The following FREM1 variants were observed in gnomAD, a reference collection of about 807,000 sequenced individuals.
FREM1 encodes FRAS1-related extracellular matrix protein 1.
In FREM1, 220 loss-of-function variants were observed where a neutral mutation model predicts 210.1. That is an observed-to-expected ratio of 1.05 (90% CI 0.94 to 1.17). The LOEUF is 1.17. Ranked by LOEUF, FREM1 falls within the 50% of genes most tolerant of loss-of-function variation. The pLI, the probability that FREM1 is intolerant of heterozygous loss-of-function variation, is 0.00. For synonymous variants in FREM1, 1,189 were observed against 980.2 expected (o/e 1.21, Z -3.98); for missense variants, 3,454 against 2,675.5 (o/e 1.29, Z -6.42).
chr9:14,750,001 G>C (rs1282472475), intron 30 of FREM1, 126 bp downstream of exon 30: 1 of 956,052 alleles, frequency 1.0e-6, no homozygotes, highest in Non-Finnish European at 1.6e-6. Flanking sequence ...TCACGACTGA[G>C]GGTGCTTTCT....
intron 1 of FREM1, among the ~76,000 whole-genome samples, chr9:14,888,945 A>G (rs1015621946): frequency 3.3e-5 from 5 of 152,200 alleles, no homozygotes; most frequent in Non-Finnish European, 5.9e-5. Flanking sequence ...CAATACCCCC[A>G]AAGAGTTGTG....
In FREM1 at chr9:14,859,292, G is replaced by A. The variant is rs772367856; in HGVS notation, c.522C>T (p.Ser174=). 1.2e-6 allele frequency: 2 copies of A among 1,613,804 alleles called. No homozygotes were observed. Among genetic ancestry groups the A allele is most frequent in the East Asian group, 2.2e-5 (1 of 44,866 alleles). Residue 174 remains serine (S), a synonymous_variant, in exon 4 of 37, where the codon AGC becomes AGT. Transcript: ENST00000380880. ...DRMASLECTV[S]LDTARTRLPA... ...GCAGCCGAGTTCTCGCAGTGTCCAG[G>A]CTGACGGTACATTCCAGGCTAGCCA...
At chr9:14,905,395 G>A (rs768646097) in intron 1 of FREM1, among the ~76,000 whole-genome samples, 1 of 152,178 alleles carries the variant, frequency 6.6e-6, no homozygotes, top group South Asian at 2.1e-4. Context: ...TTACCCCTGA[G>A]GGGCCCCTTG....
chr9:14,770,456 A>T, intron 26 of FREM1, 149 bp downstream of exon 26: 1 of 609,090 alleles, frequency 1.6e-6, no homozygotes, highest in Non-Finnish European at 2.9e-6. Context: ...AACCCTCTTT[A>T]GGAGCAATAT....
chr9:14,819,270 G>C lies in FREM1; in HGVS notation c.2510C>G (p.Thr837Arg). The part of the protein sequence containing the change: ...LNGFPLNSGG[T>R]FSWGDLHTLK... ...GGTATGGAGATCGCCCCAAGAAAAT[G>C]TGCCCCCTGAATTTAGAGGAAATCC... The change falls in exon 14 of 37, where the codon ACA (threonine) becomes AGA (arginine). Residue 837 changes from threonine to arginine, a missense_variant. Thr to Arg is a moderately conservative substitution (Grantham distance 71). Transcript: ENST00000380880. The C allele has an allele frequency of 6.2e-7, 1 of 1,613,608 alleles. No homozygotes were observed. The highest frequency in any genetic ancestry group is 8.5e-7 in the Non-Finnish European group (1 of 1,179,660).
intron 4 of FREM1, among the ~76,000 whole-genome samples, chr9:14,858,906 C>A (rs1198307757): frequency 1.3e-5 from 2 of 152,132 alleles, no homozygotes; most frequent in Non-Finnish European, 2.9e-5. Flanking sequence ...TACTCTTATC[C>A]TTACCCAACC....
chr9:14,829,954 G>C (rs2642413), intron 10 of FREM1, among the ~76,000 whole-genome samples: 7,460 of 152,258 alleles, frequency 0.049, 266 homozygotes, highest in Admixed American at 0.073. Flanking sequence ...GGAAAGAATG[G>C]AAGAAGGTGA....
At chr9:14,837,466 TACACAC>T (rs35667419) in intron 10 of FREM1, among the ~76,000 whole-genome samples, 3 of 148,802 alleles carry the variant, frequency 2.0e-5, no homozygotes, top group Non-Finnish European at 4.5e-5. Context: ...CACATACACA[TACACAC>T]ACACACACAC....
intron 27 of FREM1, among the ~76,000 whole-genome samples, chr9:14,763,326 C>A (rs753714924): frequency 1.3e-5 from 2 of 152,170 alleles, no homozygotes; most frequent in Non-Finnish European, 1.5e-5. Flanking sequence ...GGGACCTTGA[C>A]AAATGCTCCT....
At chr9:14,751,823 A>C (rs1024303055) in intron 29 of FREM1, 1 of 152,044 alleles carries the variant, frequency 6.6e-6, no homozygotes, top group Non-Finnish European at 1.5e-5. Context: ...TGGAAAGGTG[A>C]AGCTATCCAC....
At chr9:14,837,843 G>A (rs1220659228) in intron 10 of FREM1, among the ~76,000 whole-genome samples, 1 of 152,204 alleles carries the variant, frequency 6.6e-6, no homozygotes, top group Non-Finnish European at 1.5e-5. Context: ...TAAACATGCT[G>A]TAAACTTTGG....
chr9:14,828,087 G>A (rs1427197267), intron 10 of FREM1, among the ~76,000 whole-genome samples: 1 of 152,244 alleles, frequency 6.6e-6, no homozygotes, highest in Non-Finnish European at 1.5e-5. Flanking sequence ...ATGCCCAGCA[G>A]AGCCATGGGG....
chr9:14,867,305 G>A (rs904855791), intron 2 of FREM1, among the ~76,000 whole-genome samples: 1 of 152,124 alleles, frequency 6.6e-6, no homozygotes, highest in African/African-American at 2.4e-5. Context: ...TGACTCGTAA[G>A]TGCCAATCAA....
intron 7 of FREM1, among the ~76,000 whole-genome samples, chr9:14,848,080 T>C (rs929722717): frequency 6.6e-6 from 1 of 152,206 alleles, no homozygotes; most frequent in South Asian, 2.1e-4. Flanking sequence ...CTACCACCAC[T>C]GCTTATAAGT....
intron 14 of FREM1, 49 bp from the exon 15 acceptor site, chr9:14,816,920 A>G: frequency 1.6e-6 from 1 of 638,644 alleles, no homozygotes; most frequent in Non-Finnish European, 2.5e-6. Context: ...GTGTGAGAGT[A>G]AATTGAGATG....
intron 15 of FREM1, among the ~76,000 whole-genome samples, chr9:14,816,224 G>C (rs1245935495): frequency 6.6e-6 from 1 of 152,150 alleles, no homozygotes; most frequent in Non-Finnish European, 1.5e-5. Context: ...TGAAGTCAGA[G>C]TAATTCTACC....
intron 29 of FREM1, among the ~76,000 whole-genome samples, chr9:14,755,057 C>G (rs1393541235): frequency 2.0e-5 from 3 of 152,184 alleles, no homozygotes; most frequent in Non-Finnish European, 4.4e-5. Flanking sequence ...GTTTGCCACC[C>G]AGCCACCGGA....
intron 10 of FREM1, among the ~76,000 whole-genome samples, chr9:14,827,633 G>C (rs1367392016): frequency 6.6e-6 from 1 of 152,214 alleles, no homozygotes; most frequent in African/African-American, 2.4e-5. Flanking sequence ...ATATGATAGA[G>C]AGATTAGTAT....
intron 2 of FREM1, among the ~76,000 whole-genome samples, chr9:14,866,872 T>C (rs1014304052): frequency 6.6e-6 from 1 of 152,004 alleles, no homozygotes; most frequent in African/African-American, 2.4e-5. Flanking sequence ...CCTTTCTTTT[T>C]TTTTTCAGAC....
Sources: gnomAD v4.1 joint callset for allele counts (sites outside exome capture counted in the v4.1 genomes callset) on GRCh38, gnomAD v4.1.1 for gene constraint, MANE v1.5 for transcripts, NCBI Gene and HGNC (gene_info 2026-07-23, HGNC 2026-07-21) for gene names.